The following TSG101 variants were observed in gnomAD, a reference collection of about 807,000 sequenced individuals.
TSG101 encodes the protein tumor susceptibility gene 101 protein.
TSG101 carries 19 observed loss-of-function variants against 48.5 expected under a neutral mutation model. The ratio of observed to expected loss-of-function variants is 0.39; its 90% CI spans 0.27 to 0.58. The LOEUF is 0.58. Ranked by LOEUF, TSG101 falls within the 20% of genes least tolerant of loss-of-function variation. TSG101 has a pLI of 0.55. For synonymous variants in TSG101, 174 were observed against 169.4 expected, an observed-to-expected ratio of 1.03 and a Z score of -0.21; for missense variants, 365 against 484.4, an observed-to-expected ratio of 0.75 and a Z score of 2.31.
At position 18,521,670 on chromosome 11, in the gene TSG101, CTTTTTT is replaced by C. The variant is rs869176661; in HGVS notation, c.43-2073_43-2068del. Among the ~76,000 whole-genome samples, 451 of 66,718 alleles carry C rather than the reference CTTTTTT, an allele frequency of 6.8e-3. 3 individuals are homozygous for C. Among genetic ancestry groups the C allele is most frequent in the Non-Finnish European group, 9.6e-3 (357 of 37,024 alleles). The allele number at this position is 66,718 out of a possible 152,430, so 43.8% of individuals were successfully genotyped here. On this transcript the variant is annotated intron_variant, in intron 1 of 9. Transcript: ENST00000251968. ...ATGAACCACTGCACCTGGCCCCTTC[CTTTTTT>C]TTTTTTTTTTTTTTTTTTTTGAGAC...
intron 1 of TSG101, among the ~76,000 whole-genome samples, chr11:18,525,185 A>G (rs146250235): frequency 6.6e-6 from 1 of 152,178 alleles, no homozygotes; most frequent in Admixed American, 6.5e-5. Context: ...CTAGGATTAC[A>G]GGCGTAAGCC....
At chr11:18,518,700 G>GA (rs1395830728) in intron 2 of TSG101, among the ~76,000 whole-genome samples, 2 of 151,930 alleles carry the variant, frequency 1.3e-5, no homozygotes, top group East Asian at 3.9e-4. Context: ...AAAATATAAA[G>GA]AGACACTATG....
chr11:18,518,623 T>C (rs927418182), intron 2 of TSG101, among the ~76,000 whole-genome samples: 2 of 152,194 alleles, frequency 1.3e-5, no homozygotes, highest in Non-Finnish European at 2.9e-5. Context: ...CCACATTAAA[T>C]AACATTTTCC....
chr11:18,516,254 A>G (rs7928872), intron 2 of TSG101, 90 bp from the exon 3 acceptor site: 430,538 of 1,149,014 alleles, frequency 0.37, 88,084 homozygotes, highest in East Asian at 0.74. Flanking sequence ...AAAATTCATC[A>G]TTATCCTTGA....
chr11:18,526,178 T>C (rs931757466), intron 1 of TSG101, among the ~76,000 whole-genome samples: 1 of 152,142 alleles, frequency 6.6e-6, no homozygotes, highest in Admixed American at 6.5e-5. Flanking sequence ...GATCATAAAT[T>C]AAGCTCAAAG....
intron 5 of TSG101, chr11:18,508,719 T>C (rs1850018612): frequency 6.6e-6 from 1 of 152,116 alleles, no homozygotes; most frequent in Non-Finnish European, 1.5e-5. Context: ...AACCAAGATG[T>C]TCCTCAGGAA....
At chr11:18,521,096 A>C (rs1170722131) in intron 1 of TSG101, among the ~76,000 whole-genome samples, 3 of 152,026 alleles carry the variant, frequency 2.0e-5, no homozygotes, top group Non-Finnish European at 2.9e-5. Context: ...CACTTCATAG[A>C]GGATAACGTT....
chr11:18,515,968 G>C, intron 3 of TSG101, 131 bp downstream of exon 3: 2 of 703,578 alleles, frequency 2.8e-6, no homozygotes, highest in Admixed American at 3.2e-5. Context: ...ACTTCAATTT[G>C]AATAGAAGTT....
chr11:18,496,656 C>T (rs1179469976), intron 7 of TSG101, among the ~76,000 whole-genome samples: 2 of 151,822 alleles, frequency 1.3e-5, no homozygotes, highest in South Asian at 2.1e-4. Flanking sequence ...ATTAGCCGGG[C>T]ATGGTGGTAT....
intron 7 of TSG101, chr11:18,490,270 TG>T: frequency 1.8e-6 from 1 of 545,806 alleles, no homozygotes. Context: ...TTCATCTTCC[TG>T]GTTTTCCGAT....
rs755651526 is a variant in TSG101, at chr11:18,502,480, A to T, written c.640+6T>A. 2.5e-6 allele frequency: 4 copies of T among 1,610,398 alleles called. No individual in the cohort carries two copies. Among genetic ancestry groups the T allele is most frequent in the Non-Finnish European group, 3.4e-6 (4 of 1,177,846 alleles). On this transcript the variant is annotated splice_donor_region_variant and intron_variant, in intron 7 of 9. Coordinates refer to ENST00000251968, the MANE Select transcript of TSG101 (RefSeq NM_006292.4). ...TGGTGAAACACAAGTTTTCAAGGGT[A>T]CTTACCAACAGTGGTCACAGGAGGC... is the stretch of plus-strand genomic sequence containing the variant.
intron 7 of TSG101, among the ~76,000 whole-genome samples, chr11:18,489,653 T>C (rs1006718495): frequency 6.6e-6 from 1 of 152,114 alleles, no homozygotes; most frequent in Admixed American, 6.5e-5. Flanking sequence ...AGGATTCGAG[T>C]TTCTTCAGAG....
intron 9 of TSG101, chr11:18,481,394 TGCCTGTGGGCAGAG>T: frequency 7.7e-7 from 1 of 1,306,072 alleles, no homozygotes; most frequent in Non-Finnish European, 9.7e-7. Flanking sequence ...ATCTTAATGC[TGCCTGTGGGCAGAG>T]AACTGCAGCC....
chr11:18,500,087 A>G (rs113136633), intron 7 of TSG101, among the ~76,000 whole-genome samples: 1,577 of 152,252 alleles, frequency 0.01, 12 homozygotes, highest in Non-Finnish European at 0.018. Flanking sequence ...CTCCCACATG[A>G]GAACATTTGA....
chr11:18,484,731 T>TA (rs2133902771), intron 7 of TSG101, among the ~76,000 whole-genome samples: 1 of 152,338 alleles, frequency 6.6e-6, no homozygotes, highest in South Asian at 2.1e-4. Flanking sequence ...TCCATGCATA[T>TA]TTCAGATCAA....
intron 7 of TSG101, among the ~76,000 whole-genome samples, chr11:18,501,136 A>G (rs1197557883): frequency 2.6e-5 from 4 of 152,150 alleles, no homozygotes; most frequent in Admixed American, 2.6e-4. Context: ...GTATCATCGC[A>G]GTAGTCTATT....
intron 7 of TSG101, among the ~76,000 whole-genome samples, chr11:18,487,492 A>G (rs1403574512): frequency 6.6e-6 from 1 of 152,180 alleles, no homozygotes; most frequent in African/African-American, 2.4e-5. Context: ...AAACACCTTA[A>G]CACAAGGAAG....
chr11:18,499,109 G>C (rs1482143402), intron 7 of TSG101, among the ~76,000 whole-genome samples: 3 of 149,594 alleles, frequency 2.0e-5, no homozygotes, highest in Non-Finnish European at 4.4e-5. Flanking sequence ...AACAAAGAGA[G>C]TTACTTCAAG....
At chr11:18,502,464 A>C in intron 7 of TSG101, 22 bp downstream of exon 7, 2 of 1,597,834 alleles carry the variant, frequency 1.3e-6, no homozygotes, top group African/African-American at 1.3e-5. Context: ...ATGGTGAAAC[A>C]CAAGTTTTCA....
Sources: allele counts gnomAD v4.1 joint callset (sites outside exome capture counted in the v4.1 genomes callset), GRCh38; gene constraint gnomAD v4.1.1; transcripts MANE v1.5; gene names NCBI Gene and HGNC (gene_info 2026-07-23, HGNC 2026-07-21).